Variants in GALNT17 observed in about 807,000 individuals in gnomAD.
GALNT17 encodes the protein polypeptide N-acetylgalactosaminyltransferase 17.
A neutral mutation model predicts 63.7 loss-of-function variants in GALNT17; 29 were observed. That is an observed-to-expected ratio of 0.46 (90% CI 0.34 to 0.62). The LOEUF (loss-of-function observed/expected upper bound fraction) is 0.62. Among genes scored for constraint, GALNT17 ranks in the 20% least tolerant of loss-of-function variants. The pLI, the probability that GALNT17 is intolerant of heterozygous loss-of-function variation, is 0.01. For missense variants in GALNT17, 603 were observed against 799.6 expected (o/e 0.75, Z 2.97); for synonymous variants, 305 against 318.3 (o/e 0.96, Z 0.45).
chr7:71,466,339 G>T (rs148952904), intron 5 of GALNT17, among the ~76,000 whole-genome samples: 29 of 151,962 alleles, frequency 1.9e-4, no homozygotes, highest in African/African-American at 6.8e-4. Context: ...CAAATGACCA[G>T]CATTGGTGTT....
At chr7:71,443,298 T>C (rs1365815069) in intron 5 of GALNT17, among the ~76,000 whole-genome samples, 1 of 152,086 alleles carries the variant, frequency 6.6e-6, no homozygotes, top group Non-Finnish European at 1.5e-5. Context: ...TATTTTGTGA[T>C]CAAGGGGAAG....
intron 5 of GALNT17, among the ~76,000 whole-genome samples, chr7:71,467,718 A>G (rs1212952233): frequency 6.6e-6 from 1 of 152,056 alleles, no homozygotes; most frequent in Non-Finnish European, 1.5e-5. Context: ...AGGGCCTGAG[A>G]CTTATGCATG....
chr7:71,174,611 G>A (rs1788603292), intron 1 of GALNT17, among the ~76,000 whole-genome samples: 1 of 152,168 alleles, frequency 6.6e-6, no homozygotes, highest in South Asian at 2.1e-4. Context: ...GGTGGAGTTA[G>A]GAGCAATGTT....
At chr7:71,576,909 A>G (rs1205259571) in intron 6 of GALNT17, among the ~76,000 whole-genome samples, 2 of 152,192 alleles carry the variant, frequency 1.3e-5, no homozygotes, top group Non-Finnish European at 2.9e-5. Context: ...AGACATCTGC[A>G]TTCATATGTT....
chr7:71,436,045 A>T (rs1202756321), intron 5 of GALNT17, among the ~76,000 whole-genome samples: 2 of 150,570 alleles, frequency 1.3e-5, no homozygotes, highest in Non-Finnish European at 3.0e-5. Flanking sequence ...AAAAAAAACA[A>T]CTCTGATCCC....
rs1789440400 is a variant in GALNT17, at chr7:71,571,385, A to G, written c.1063A>G (p.Ile355Val). 6.2e-7 allele frequency: 1 copy of G among 1,613,750 alleles called. No individual in the cohort carries two copies. Among genetic ancestry groups the G allele is most frequent in the Non-Finnish European group, 8.5e-7 (1 of 1,179,706 alleles). ...PGMDVYGGENIELGIKVWLCG... is the reference protein window; with the variant it reads ...PGMDVYGGENVELGIKVWLCG... Reference sequence around the variant, plus strand: ...CATGGATGTATACGGAGGAGAAAATATTGAACTGGGAATCAAGGTTTGTGA... The same window carrying G: ...CATGGATGTATACGGAGGAGAAAATGTTGAACTGGGAATCAAGGTTTGTGA... The change falls in exon 6 of 11, where the codon ATT (isoleucine) becomes GTT (valine). Residue 355 changes from isoleucine (I) to valine (V), a missense_variant. Physicochemically the swap from Ile to Val is conservative, Grantham distance 29. Coordinates refer to ENST00000333538, the MANE Select transcript of GALNT17 (RefSeq NM_022479.3).
At chr7:71,486,716 A>T (rs974024979) in intron 5 of GALNT17, among the ~76,000 whole-genome samples, 2 of 151,494 alleles carry the variant, frequency 1.3e-5, no homozygotes, top group South Asian at 4.2e-4. Context: ...AAAAAAAAAA[A>T]GCCAAGCATG....
At chr7:71,216,653 C>T (rs1007474642) in intron 1 of GALNT17, among the ~76,000 whole-genome samples, 1 of 149,636 alleles carries the variant, frequency 6.7e-6, no homozygotes, top group Non-Finnish European at 1.5e-5. Context: ...TACAGACATA[C>T]AAATACACAT....
intron 1 of GALNT17, among the ~76,000 whole-genome samples, chr7:71,148,890 A>G (rs11773272): frequency 0.16 from 20,846 of 132,952 alleles, 1,879 homozygotes; most frequent in Middle Eastern, 0.21. Flanking sequence ...ATATATATAT[A>G]TATGTATACC....
At chr7:71,163,579 C>T (rs1788386228) in intron 1 of GALNT17, among the ~76,000 whole-genome samples, 1 of 152,158 alleles carries the variant, frequency 6.6e-6, no homozygotes, top group African/African-American at 2.4e-5. Flanking sequence ...AAGAGCTTGT[C>T]TTGGAACCGT....
At chr7:71,315,176 T>C (rs954060521) in intron 1 of GALNT17, among the ~76,000 whole-genome samples, 7 of 152,240 alleles carry the variant, frequency 4.6e-5, no homozygotes, top group African/African-American at 1.2e-4. Flanking sequence ...CTTCACAGTT[T>C]ATCCATGTTG....
chr7:71,293,542 C>A (rs1349454476), intron 1 of GALNT17, among the ~76,000 whole-genome samples: 1 of 152,084 alleles, frequency 6.6e-6, no homozygotes, highest in East Asian at 1.9e-4. Context: ...ATTTTAAAAT[C>A]AGATTATTTC....
chr7:71,201,331 A>G (rs932187098), intron 1 of GALNT17, among the ~76,000 whole-genome samples: 4 of 149,728 alleles, frequency 2.7e-5, no homozygotes, highest in African/African-American at 9.9e-5. Flanking sequence ...CTTTCTTTTC[A>G]TGTGTTTTTT....
intron 1 of GALNT17, among the ~76,000 whole-genome samples, chr7:71,259,639 TTTTTTTG>T (rs1285262144): frequency 1.1e-5 from 1 of 94,510 alleles, no homozygotes; most frequent in East Asian, 3.5e-4. Flanking sequence ...TTGTTTTTTG[TTTTTTTG>T]TTTTTTTTTT....
At position 71,276,126 on chromosome 7, in the gene GALNT17, G is replaced by A. The variant is rs184745963; in HGVS notation, c.239-59424G>A. Reference sequence around the variant, plus strand: ...AGACATTATCTGTTTTGTTGGCTGCGGCCTCTCCGGCACCTGAGAACAGCA... The same window carrying A: ...AGACATTATCTGTTTTGTTGGCTGCAGCCTCTCCGGCACCTGAGAACAGCA... On this transcript the variant is annotated intron_variant, in intron 1 of 10. Transcript: ENST00000333538. Among the ~76,000 whole-genome samples, 296 of 152,244 alleles carry A rather than the reference G, an allele frequency of 1.9e-3. 2 individuals are homozygous for A. The highest frequency in any genetic ancestry group is 6.3e-3 in the African/African-American group (263 of 41,524).
intron 6 of GALNT17, among the ~76,000 whole-genome samples, chr7:71,590,333 T>G (rs1422786449): frequency 6.6e-6 from 1 of 152,194 alleles, no homozygotes; most frequent in Non-Finnish European, 1.5e-5. Flanking sequence ...GAATTTCACT[T>G]GCCTGCTCCC....
At chr7:71,307,683 C>T (rs1309631042) in intron 1 of GALNT17, 1 of 152,566 alleles carries the variant, frequency 6.6e-6, no homozygotes, top group African/African-American at 2.4e-5. Flanking sequence ...AGAGTTCCTA[C>T]TCAACTTCTC....
At chr7:71,149,282 A>G (rs535058615) in intron 1 of GALNT17, among the ~76,000 whole-genome samples, 2 of 152,164 alleles carry the variant, frequency 1.3e-5, no homozygotes, top group Admixed American at 6.6e-5. Flanking sequence ...ACTTAATTCG[A>G]CATCACACCT....
intron 1 of GALNT17, among the ~76,000 whole-genome samples, chr7:71,252,946 A>G (rs891904637): frequency 2.0e-5 from 3 of 152,196 alleles, no homozygotes; most frequent in African/African-American, 4.8e-5. Context: ...GTATGGGACA[A>G]AGGACAGATT....
Sources: gnomAD v4.1 joint callset for allele counts (sites outside exome capture counted in the v4.1 genomes callset) on GRCh38, gnomAD v4.1.1 for gene constraint, MANE v1.5 for transcripts, NCBI Gene and HGNC (gene_info 2026-07-23, HGNC 2026-07-21) for gene names.